CATSPERG: variants seen among roughly 807,000 people sequenced by gnomAD.
CATSPERG encodes cation channel sperm-associated auxiliary subunit gamma.
Under a neutral mutation model 145.0 loss-of-function variants are expected in CATSPERG, and 115 were observed. The ratio of observed to expected loss-of-function variants is 0.79; its 90% CI spans 0.68 to 0.93. The LOEUF is 0.93. Among genes scored for constraint, CATSPERG ranks in the 40% least tolerant of loss-of-function variants. CATSPERG has a pLI of 0.00. For synonymous variants in CATSPERG, 588 were observed against 589.0 expected, an observed-to-expected ratio of 1.00 and a Z score of 0.02; for missense variants, 1,296 against 1,490.1, an observed-to-expected ratio of 0.87 and a Z score of 2.14.
At chr19:38,341,525 AG>A (rs753657798) in intron 3 of CATSPERG, among the ~76,000 whole-genome samples, 1 of 152,134 alleles carries the variant, frequency 6.6e-6, no homozygotes, top group Non-Finnish European at 1.5e-5. Context: ...GCACTTTGGG[AG>A]GCCAGGGAGA....
chr19:38,352,811 GAC>G (rs907095953), intron 8 of CATSPERG, among the ~76,000 whole-genome samples: 3 of 151,520 alleles, frequency 2.0e-5, no homozygotes, highest in African/African-American at 7.3e-5. Context: ...AAATCAGAAA[GAC>G]AGAGCGGGAG....
At chr19:38,336,721 G>C (rs1452149880) in intron 1 of CATSPERG, 10 of 254,264 alleles carry the variant, frequency 3.9e-5, no homozygotes, top group African/African-American at 1.6e-4. Flanking sequence ...GGGAACTTAA[G>C]AGGGGGACTG....
intron 14 of CATSPERG, 166 bp from the exon 15 acceptor site, chr19:38,360,323 C>T (rs1485855194): frequency 6.1e-6 from 6 of 985,168 alleles, no homozygotes; most frequent in African/African-American, 5.2e-5. Context: ...GAAGTAGAGC[C>T]GTGGCACCAC....
rs1969864896 is a variant in CATSPERG, at chr19:38,337,650, A to G, written c.324+4A>G. The G allele has an allele frequency of 1.9e-6, 3 of 1,551,382 alleles. No homozygotes were observed. Among genetic ancestry groups the G allele is most frequent in the Non-Finnish European group, 2.6e-6 (3 of 1,146,788 alleles). On this transcript the variant is annotated splice_donor_region_variant and intron_variant, in intron 3 of 28. Transcript: ENST00000409235. Reference sequence around the variant, plus strand: ...CAACTACTCCTGCGAGGAAAAGGTGAGTGGGTGCAGCACGGATAGGCTCAT... The same window carrying G: ...CAACTACTCCTGCGAGGAAAAGGTGGGTGGGTGCAGCACGGATAGGCTCAT...
At chr19:38,344,882 C>CATATAT (rs71334833) in intron 6 of CATSPERG, among the ~76,000 whole-genome samples, 1 of 53,324 alleles carries the variant, frequency 1.9e-5, no homozygotes, top group African/African-American at 5.2e-5. Context: ...CACACACACA[C>CATATAT]ATATATATAT....
In CATSPERG at chr19:38,360,724, C is replaced by A. The variant is rs2286477; in HGVS notation, c.1768-7C>A. The A allele has an allele frequency of 2.4e-3, 3,815 of 1,614,118 alleles. 110 individuals are homozygous for A. The East Asian group carries it at 0.066, about 28-fold the overall frequency. ...CCAGCTCACCTGGCCCTGCCTTCCC[C>A]CTGCAGCTGGTGTACCTTATGAACA... On this transcript the variant is annotated splice_polypyrimidine_tract_variant and splice_region_variant and intron_variant, in intron 15 of 28. Transcript: ENST00000409235.
intron 3 of CATSPERG, 68 bp from the exon 4 acceptor site, chr19:38,343,512 C>A: frequency 7.2e-7 from 1 of 1,388,364 alleles, no homozygotes; most frequent in Non-Finnish European, 9.7e-7. Flanking sequence ...CTGTTAGAGG[C>A]GGGCTTAAGG....
At chr19:38,341,809 G>A (rs748164777) in intron 3 of CATSPERG, among the ~76,000 whole-genome samples, 4 of 152,150 alleles carry the variant, frequency 2.6e-5, no homozygotes, top group Non-Finnish European at 4.4e-5. Context: ...GGCTGAGGCA[G>A]GACGATCGCC....
At chr19:38,369,709 C>A (rs1028680597) in intron 26 of CATSPERG, 2 of 527,186 alleles carry the variant, frequency 3.8e-6, no homozygotes, top group Admixed American at 6.3e-5. Context: ...AGATACACAG[C>A]CTGTAATCTG....
intron 13 of CATSPERG, among the ~76,000 whole-genome samples, chr19:38,358,762 G>C (rs1008113608): frequency 6.6e-6 from 1 of 152,188 alleles, no homozygotes; most frequent in Admixed American, 6.5e-5. Context: ...ATGTTTTAAA[G>C]CTGTGGGAGC....
chr19:38,353,702 A>G (rs1373512959), intron 8 of CATSPERG, among the ~76,000 whole-genome samples: 1 of 149,000 alleles, frequency 6.7e-6, no homozygotes, highest in Non-Finnish European at 1.5e-5. Context: ...ATCTCAAAAA[A>G]AAAAAAAAAA....
intron 9 of CATSPERG, among the ~76,000 whole-genome samples, chr19:38,356,083 A>T (rs893665598): frequency 4.6e-5 from 7 of 151,914 alleles, no homozygotes; most frequent in Non-Finnish European, 8.8e-5. Context: ...GTTTATTATT[A>T]TTGGTCCTAT....
Position 38,360,620 on chromosome 19 carries a change from C to T in CATSPERG, c.1740C>T (p.Leu580=), listed in dbSNP as rs758510730. The change falls in exon 15 of 29, where the codon CTC becomes CTT. Residue 580 remains leucine, a synonymous_variant. Transcript: ENST00000409235. ...CATCCAATGAGACCATGCTGACCCT[C>T]TTCTACGAAGACAGCAAACTGTACC... ...LYASNETMLT[L]FYEDSKLYQL... is the part of the protein sequence containing the mutation. The T allele has an allele frequency of 6.2e-6, 10 of 1,614,130 alleles. No individual in the cohort carries two copies. The highest frequency in any genetic ancestry group is 1.7e-6 in the Non-Finnish European group (2 of 1,180,048).
intron 3 of CATSPERG, among the ~76,000 whole-genome samples, chr19:38,342,325 C>T (rs1218177327): frequency 6.6e-6 from 1 of 151,952 alleles, no homozygotes; most frequent in Non-Finnish European, 1.5e-5. Flanking sequence ...GAAAGAATGG[C>T]CTGGTGGCTC....
chr19:38,367,128 C>A (rs1568383817), intron 22 of CATSPERG, 28 bp from the exon 23 acceptor site: 15 of 1,600,180 alleles, frequency 9.4e-6, no homozygotes, highest in Non-Finnish European at 1.3e-5. Flanking sequence ...CCTGGCCACC[C>A]CTGTGAGCCT....
At chr19:38,365,987 G>A (rs1469950928) in intron 22 of CATSPERG, 1 of 152,292 alleles carries the variant, frequency 6.6e-6, no homozygotes, top group Non-Finnish European at 1.5e-5. Context: ...GGGATTACAG[G>A]TGTGAGCCAC....
intron 11 of CATSPERG, among the ~76,000 whole-genome samples, chr19:38,357,404 C>T (rs1568378541): frequency 6.6e-6 from 1 of 150,606 alleles, no homozygotes; most frequent in Admixed American, 6.6e-5. Context: ...ACCTGTAGTC[C>T]CAGCTACTTG....
At chr19:38,344,577 A>G (rs1208490984) in intron 6 of CATSPERG, among the ~76,000 whole-genome samples, 1 of 152,052 alleles carries the variant, frequency 6.6e-6, no homozygotes, top group Non-Finnish European at 1.5e-5. Flanking sequence ...GAGGTCCCAA[A>G]GGGATGGAAC....
chr19:38,369,208 G>A (rs1461142618), intron 26 of CATSPERG, among the ~76,000 whole-genome samples: 1 of 152,198 alleles, frequency 6.6e-6, no homozygotes, highest in Non-Finnish European at 1.5e-5. Context: ...AATGAAGGCA[G>A]TGAATGAACG....
Sources: gnomAD v4.1 joint callset for allele counts (sites outside exome capture counted in the v4.1 genomes callset) on GRCh38, gnomAD v4.1.1 for gene constraint, MANE v1.5 for transcripts, NCBI Gene and HGNC (gene_info 2026-07-23, HGNC 2026-07-21) for gene names.